SOCS7: variants seen among roughly 807,000 people sequenced by gnomAD.
SOCS7 encodes the protein suppressor of cytokine signaling 7.
Under a neutral mutation model 58.9 loss-of-function variants are expected in SOCS7, and 18 were observed. The observed-to-expected ratio is 0.31, with a 90% CI of 0.21 to 0.45. SOCS7 has a LOEUF of 0.45. Among genes scored for constraint, SOCS7 ranks in the 20% least tolerant of loss-of-function variants. SOCS7 has a pLI of 1.00. For synonymous variants in SOCS7, 388 were observed against 364.3 expected (o/e 1.06, Z -0.74); for missense variants, 667 against 837.3 (o/e 0.80, Z 2.51).
chr17:38,389,420 G>A (rs777110413), intron 7 of SOCS7, among the ~76,000 whole-genome samples: 23 of 152,162 alleles, frequency 1.5e-4, no homozygotes, highest in Non-Finnish European at 2.9e-4. Context: ...GCCCAGTGTG[G>A]TGGTGCATGT....
intron 2 of SOCS7, among the ~76,000 whole-genome samples, chr17:38,364,195 T>C (rs587627017): frequency 6.6e-6 from 1 of 152,374 alleles, no homozygotes; most frequent in South Asian, 2.1e-4. Flanking sequence ...TAAGAACAGA[T>C]ATCTTATTCA....
At chr17:38,355,987 G>T (rs951897571) in intron 1 of SOCS7, among the ~76,000 whole-genome samples, 1 of 152,032 alleles carries the variant, frequency 6.6e-6, no homozygotes. Flanking sequence ...GGGTTCAAGC[G>T]ATTCTTCTGC....
intron 1 of SOCS7, among the ~76,000 whole-genome samples, chr17:38,353,648 A>G (rs1311506521): frequency 1.3e-5 from 2 of 152,204 alleles, no homozygotes; most frequent in Non-Finnish European, 2.9e-5. Context: ...TCACACCTGT[A>G]ATCCCAGCAC....
chr17:38,367,425 G>A (rs587632507), intron 5 of SOCS7, among the ~76,000 whole-genome samples: 1 of 152,070 alleles, frequency 6.6e-6, no homozygotes, highest in East Asian at 1.9e-4. Flanking sequence ...CCAGGCTGGA[G>A]TACAGTGGCG....
chr17:38,366,803 A>G (rs2037796257), intron 5 of SOCS7, among the ~76,000 whole-genome samples: 1 of 152,098 alleles, frequency 6.6e-6, no homozygotes, highest in Admixed American at 6.5e-5. Flanking sequence ...GCCCCTGTTT[A>G]TTGTTTTCAG....
intron 4 of SOCS7, chr17:38,365,900 AAAATCATTACTCTTCCTG>A: frequency 1.2e-6 from 1 of 821,458 alleles, no homozygotes; most frequent in Non-Finnish European, 1.5e-6. Context: ...CTTGCCTGGC[AAAATCATTACTCTTCCTG>A]GGCAAGTAAG....
intron 1 of SOCS7, among the ~76,000 whole-genome samples, chr17:38,356,982 T>C (rs996963866): frequency 9.2e-5 from 14 of 152,392 alleles, no homozygotes; most frequent in African/African-American, 3.4e-4. Flanking sequence ...CTTGTTCACT[T>C]TTCAAGATTT....
chr17:38,387,100 A>ATATATATAT (rs1437758226), intron 7 of SOCS7, among the ~76,000 whole-genome samples: 1 of 83,004 alleles, frequency 1.2e-5, no homozygotes, highest in African/African-American at 8.0e-5. Context: ...AAAAAAAAAA[A>ATATATATAT]AAATATATAT....
chr17:38,396,071 C>A, intron 9 of SOCS7, 73 bp downstream of exon 9: 2 of 1,292,036 alleles, frequency 1.5e-6, no homozygotes, highest in African/African-American at 1.5e-5. Context: ...GAGCCTTGGG[C>A]CCCCTCCCCA....
Position 38,352,426 on chromosome 17 carries a change from C to T in SOCS7, c.374C>T (p.Ala125Val). ...GCGGCTGGACTAGAGGCGCAGTTGG[C>T]GGCTCTGGGGCTCGGGCAGCCGGCG... ...GPAAGLEAQL[A>V]ALGLGQPAGP... is the part of the protein sequence containing the mutation. Residue 125 changes from alanine to valine, a missense_variant, in exon 1 of 10, where the codon GCG (alanine) becomes GTG (valine). Transcript: ENST00000612932. This position sits in a 1 kb window ranked among gnomAD's most constrained non-coding sequence, Gnocchi z 5.5. The T allele has an allele frequency of 6.9e-7, 1 of 1,449,766 alleles. No homozygotes were observed. The highest frequency in any genetic ancestry group is 9.0e-7 in the Non-Finnish European group (1 of 1,106,758). The allele number at this position is 1,449,766 out of a possible 1,614,324, so 89.8% of individuals were successfully genotyped here.
At chr17:38,389,863 G>GTATATATATATATATA (rs1261982144) in intron 7 of SOCS7, among the ~76,000 whole-genome samples, 11 of 22,330 alleles carry the variant, frequency 4.9e-4, no homozygotes, top group African/African-American at 1.6e-3. Context: ...GTGTGTATGT[G>GTATATATATATATATA]TGTACATATA....
intron 7 of SOCS7, among the ~76,000 whole-genome samples, chr17:38,381,306 A>G (rs2037997304): frequency 6.6e-6 from 1 of 152,176 alleles, no homozygotes; most frequent in African/African-American, 2.4e-5. Flanking sequence ...TCTTTTGCTT[A>G]TAAAGGGGAA....
intron 7 of SOCS7, among the ~76,000 whole-genome samples, chr17:38,381,109 T>G (rs2037995201): frequency 1.3e-5 from 2 of 152,094 alleles, no homozygotes; most frequent in Admixed American, 1.3e-4. Flanking sequence ...GGAAACTACC[T>G]AAAGAAGGTA....
At chr17:38,394,949 C>G (rs1036982848) in intron 7 of SOCS7, among the ~76,000 whole-genome samples, 1 of 152,158 alleles carries the variant, frequency 6.6e-6, no homozygotes, top group Non-Finnish European at 1.5e-5. Context: ...ACTCAGGAGG[C>G]TGAGGCGGGA....
At chr17:38,391,399 A>G (rs1255285587) in intron 7 of SOCS7, among the ~76,000 whole-genome samples, 1 of 152,082 alleles carries the variant, frequency 6.6e-6, no homozygotes, top group Non-Finnish European at 1.5e-5. Context: ...TTAGCTGAAT[A>G]TCTTTTTTTT....
rs536594320 is a variant in SOCS7 at position 38,390,053 on chromosome 17, C to T, written c.1682-5256C>T. On this transcript the variant is annotated intron_variant, in intron 7 of 9. Transcript: ENST00000612932. Reference sequence around the variant, plus strand: ...CCTCCCACCTCAGCCTCTCAAAGTTCTGGGATTACAGGTGTGAGCCACCGT... The same window carrying T: ...CCTCCCACCTCAGCCTCTCAAAGTTTTGGGATTACAGGTGTGAGCCACCGT... 1.7e-3 allele frequency among the ~76,000 whole-genome samples: 247 copies of T among 149,514 alleles called. 1 individual carries two copies. The highest frequency in any genetic ancestry group is 5.7e-3 in the African/African-American group (233 of 40,768).
chr17:38,358,910 G>T (rs587670802), intron 1 of SOCS7, among the ~76,000 whole-genome samples: 7 of 152,132 alleles, frequency 4.6e-5, no homozygotes, highest in African/African-American at 1.4e-4. Flanking sequence ...TGCCGGGGGT[G>T]GGGGAGAAGA....
chr17:38,385,601 T>C (rs1459611435), intron 7 of SOCS7, among the ~76,000 whole-genome samples: 6 of 152,182 alleles, frequency 3.9e-5, no homozygotes, highest in Non-Finnish European at 8.8e-5. Flanking sequence ...CCTGTCTTTA[T>C]AATAATCACT....
chr17:38,369,478 C>G (rs1057040705), intron 6 of SOCS7, among the ~76,000 whole-genome samples: 1 of 152,120 alleles, frequency 6.6e-6, no homozygotes, highest in Non-Finnish European at 1.5e-5. Context: ...GGGACTGCCT[C>G]CTGTTCTGCT....
Sources: allele counts gnomAD v4.1 joint callset (sites outside exome capture counted in the v4.1 genomes callset), GRCh38; gene constraint gnomAD v4.1.1; non-coding constraint Gnocchi (gnomAD v3.1); transcripts MANE v1.5; gene names NCBI Gene and HGNC (gene_info 2026-07-23, HGNC 2026-07-21).